Variants in LOXL2 observed in about 807,000 individuals in gnomAD.
LOXL2 encodes lysyl oxidase homolog 2.
A neutral mutation model predicts 93.0 loss-of-function variants in LOXL2; 70 were observed. That is an observed-to-expected ratio of 0.75 (90% CI 0.62 to 0.92). The LOEUF (loss-of-function observed/expected upper bound fraction) is 0.92, where lower values mean the gene tolerates loss of function less well. Ranked by LOEUF, LOXL2 falls within the 40% of genes least tolerant of loss-of-function variation. LOXL2 has a pLI of 0.00. For missense variants in LOXL2, 973 were observed against 1,054.9 expected (o/e 0.92, Z 1.08); for synonymous variants, 438 against 413.2 (o/e 1.06, Z -0.73).
intron 3 of LOXL2, among the ~76,000 whole-genome samples, chr8:23,342,054 T>C (rs1452266843): frequency 6.6e-6 from 1 of 152,040 alleles, no homozygotes; most frequent in Non-Finnish European, 1.5e-5. Flanking sequence ...GCAGGGCCCT[T>C]TGGGAGGAAG....
intron 9 of LOXL2, 67 bp downstream of exon 9, chr8:23,316,882 G>A: frequency 1.4e-6 from 2 of 1,411,098 alleles, no homozygotes; most frequent in Non-Finnish European, 1.9e-6. Flanking sequence ...AGAGTCTCTT[G>A]AGGAATAACT....
rs1803289197 is a variant in LOXL2 at position 23,309,574 on chromosome 8, GC to G, written c.1880+93del. ...TATCCCCAGGCCATGCAGCCTCTTG[GC>G]TCTAAGTGACCCTGGCAACTCTCAA... On this transcript the variant is annotated intron_variant, in intron 10 of 13. Transcript: ENST00000389131. 4.6e-6 allele frequency: 6 copies of G among 1,301,888 alleles called. No individual in the cohort carries two copies. The Admixed American group carries it at 2.0e-4, about 43-fold the overall frequency. 80.6% of individuals were successfully genotyped at this position (1,301,888 alleles called of 1,614,324 possible).
intron 3 of LOXL2, among the ~76,000 whole-genome samples, chr8:23,357,478 G>A (rs1241004750): frequency 1.3e-5 from 2 of 152,142 alleles, no homozygotes; most frequent in African/African-American, 2.4e-5. Flanking sequence ...CACTTAGTAG[G>A]TATTCCACAA....
intron 1 of LOXL2, among the ~76,000 whole-genome samples, chr8:23,396,354 A>AC (rs1800089334): frequency 1.3e-5 from 2 of 151,872 alleles, no homozygotes; most frequent in African/African-American, 4.8e-5. Context: ...AAACAAACAA[A>AC]AAAACGAGAG....
In LOXL2 at chr8:23,303,342, TGC is replaced by T; in HGVS notation, c.1934_1935del (p.Gly645AspfsTer19). 1.2e-6 allele frequency: 2 copies of T among 1,613,780 alleles called. No individual in the cohort carries two copies. Among genetic ancestry groups the T allele is most frequent in the Non-Finnish European group, 1.7e-6 (2 of 1,179,914 alleles). On this transcript the variant is annotated frameshift_variant, in exon 11 of 14. Coordinates refer to ENST00000389131, the MANE Select transcript of LOXL2 (RefSeq NM_002318.3). LOFTEE classifies it high-confidence loss of function. ...GCCTTGTGGCCCTCTGCCACCTTGGTGCCATTGAGGTTCAGCAGGTCATAGTG... is the reference window on the plus strand; with the variant it reads ...GCCTTGTGGCCCTCTGCCACCTTGGTCATTGAGGTTCAGCAGGTCATAGTG... ...FTHYDLLNLN[G>X]TKVAEGHKAS...
At chr8:23,339,974 G>A (rs1245961227) in intron 4 of LOXL2, among the ~76,000 whole-genome samples, 2 of 152,218 alleles carry the variant, frequency 1.3e-5, no homozygotes, top group East Asian at 1.9e-4. Flanking sequence ...GAGCTGGTGG[G>A]TACAGCTGGG....
At chr8:23,337,405 G>A (rs536086656) in intron 4 of LOXL2, 26 of 152,320 alleles carry the variant, frequency 1.7e-4, no homozygotes, top group African/African-American at 6.3e-4. Context: ...TCACCATCAA[G>A]GTGAAAGGCA....
At chr8:23,308,747 G>T (rs1490951240) in intron 10 of LOXL2, among the ~76,000 whole-genome samples, 2 of 152,136 alleles carry the variant, frequency 1.3e-5, no homozygotes, top group Non-Finnish European at 2.9e-5. Context: ...CTGTTCTTCT[G>T]TCCTTGTCTG....
intron 1 of LOXL2, among the ~76,000 whole-genome samples, chr8:23,402,390 GC>G (rs566186528): frequency 2.7e-4 from 41 of 152,356 alleles, no homozygotes; most frequent in Non-Finnish European, 3.5e-4. Context: ...AGCCACTGGG[GC>G]CCATGGGGAG....
At chr8:23,318,453 ACACACAC>A (rs1563188742) in intron 8 of LOXL2, among the ~76,000 whole-genome samples, 9 of 138,882 alleles carry the variant, frequency 6.5e-5, no homozygotes, top group African/African-American at 2.7e-4. Context: ...ACACACACAC[ACACACAC>A]AAAAATACAC....
intron 1 of LOXL2, among the ~76,000 whole-genome samples, chr8:23,386,854 C>T (rs73226416): frequency 0.12 from 18,509 of 152,178 alleles, 1,384 homozygotes; most frequent in Admixed American, 0.17. Flanking sequence ...TCCACACGCT[C>T]CAAATAAATG....
rs551291815 is a variant in LOXL2, at chr8:23,361,150, C to A, written c.356-885G>T. On this transcript the variant is annotated intron_variant, in intron 2 of 13. Transcript: ENST00000389131. Reference sequence around the variant, plus strand: ...TCCTGACCTCGTGATCTGCCTGCCTCAGCCTCACAAAGTGCTGGGATTACA... The same window carrying A: ...TCCTGACCTCGTGATCTGCCTGCCTAAGCCTCACAAAGTGCTGGGATTACA... Among the ~76,000 whole-genome samples the A allele has an allele frequency of 2.6e-5, 4 of 152,246 alleles. No individual in the cohort carries two copies. In the South Asian group the frequency reaches 8.3e-4, roughly 32 times the overall value.
chr8:23,346,598 A>C (rs1803991085), intron 3 of LOXL2, among the ~76,000 whole-genome samples: 1 of 152,242 alleles, frequency 6.6e-6, no homozygotes, highest in Non-Finnish European at 1.5e-5. Context: ...AGAATGCGAT[A>C]GTCTGGGGCT....
At chr8:23,383,646 GT>G (rs1204879895) in intron 1 of LOXL2, among the ~76,000 whole-genome samples, 1 of 117,656 alleles carries the variant, frequency 8.5e-6, no homozygotes, top group Non-Finnish European at 1.7e-5. Context: ...GCACTTTTAC[GT>G]TTTTTTTTTG....
rs566902821 is a variant in LOXL2 at position 23,377,472 on chromosome 8, T to C, written c.-83-9038A>G. 2.1e-3 allele frequency among the ~76,000 whole-genome samples: 204 copies of C among 96,300 alleles called. 3 individuals are homozygous for C. Among genetic ancestry groups the C allele is most frequent in the African/African-American group, 0.011 (197 of 18,346 alleles). 63.2% of individuals were successfully genotyped at this position (96,300 alleles called of 152,430 possible). On this transcript the variant is annotated intron_variant, in intron 1 of 13. Coordinates refer to ENST00000389131, the MANE Select transcript of LOXL2 (RefSeq NM_002318.3). The stretch of plus-strand genomic sequence containing the variant: ...CTATTAGGTCCGCTTGGTGCAGAGC[T>C]GAGTTCAATCCTGGATATCCTTGTT...
intron 1 of LOXL2, among the ~76,000 whole-genome samples, chr8:23,393,400 T>C (rs1800041428): frequency 6.6e-6 from 1 of 152,218 alleles, no homozygotes; most frequent in African/African-American, 2.4e-5. Context: ...AATAAACTCA[T>C]ATATCTATGG....
intron 2 of LOXL2, among the ~76,000 whole-genome samples, chr8:23,362,457 T>C (rs2117207322): frequency 6.6e-6 from 1 of 152,338 alleles, no homozygotes; most frequent in South Asian, 2.1e-4. Context: ...AAGGCTGGGC[T>C]GGGCACAGTT....
intron 1 of LOXL2, among the ~76,000 whole-genome samples, chr8:23,400,189 G>T (rs1351177441): frequency 6.6e-6 from 1 of 152,182 alleles, no homozygotes; most frequent in Non-Finnish European, 1.5e-5. Flanking sequence ...AAAGCAGAAG[G>T]CTCTGGTGTT....
intron 6 of LOXL2, 152 bp downstream of exon 6, chr8:23,328,230 C>T (rs1803615670): frequency 1.3e-6 from 1 of 770,090 alleles, no homozygotes; most frequent in South Asian, 1.7e-5. Flanking sequence ...TCAACTCTGT[C>T]TAGGGAGAGG....
Sources: gnomAD v4.1 joint callset for allele counts (sites outside exome capture counted in the v4.1 genomes callset) on GRCh38, gnomAD v4.1.1 for gene constraint, MANE v1.5 for transcripts, NCBI Gene and HGNC (gene_info 2026-07-23, HGNC 2026-07-21) for gene names.